RASEF: variants seen among roughly 807,000 people sequenced by gnomAD.
RASEF encodes RAS and EF-hand domain containing, also known as ras and EF-hand domain-containing protein.
RASEF carries 68 observed loss-of-function variants against 90.1 expected under a neutral mutation model. The ratio of observed to expected loss-of-function variants is 0.75; its 90% CI spans 0.62 to 0.92. The LOEUF (loss-of-function observed/expected upper bound fraction) is 0.92. Ranked by LOEUF, RASEF falls within the 40% of genes least tolerant of loss-of-function variation. The pLI is 0.00. For synonymous variants in RASEF, 331 were observed against 345.2 expected (o/e 0.96, Z 0.46); for missense variants, 949 against 937.2 (o/e 1.01, Z -0.16).
the RASEF span, among the ~76,000 whole-genome samples, chr9:83,169,350 TACACACACACACAC>T: frequency 4.2e-3 from 620 of 146,010 alleles, 5 homozygotes; most frequent in South Asian, 0.014. Flanking sequence ...CTGATTTCCA[TACACACACACACAC>T]ACACACACAC....
intron 14 of RASEF, 99 bp from the exon 15 acceptor site, chr9:82,993,124 C>T: frequency 8.0e-7 from 1 of 1,243,356 alleles, no homozygotes; most frequent in Non-Finnish European, 1.1e-6. Context: ...TTCCCTTTGC[C>T]TCCTTTGTGC....
chr9:83,161,664 A>T, the RASEF span, among the ~76,000 whole-genome samples: 2 of 124,450 alleles, frequency 1.6e-5, no homozygotes, highest in African/African-American at 6.6e-5. Flanking sequence ...ATGTGAGGAC[A>T]TGAGATTTGG....
At chr9:83,215,017 A>G in the RASEF span, among the ~76,000 whole-genome samples, 27,886 of 151,200 alleles carry the variant, frequency 0.18, 2,790 homozygotes, top group African/African-American at 0.26. Context: ...ACCAGCAGAC[A>G]AAGAGATGAG....
chr9:82,987,934 TA>T (rs1224003782), intron 16 of RASEF, among the ~76,000 whole-genome samples: 2 of 152,190 alleles, frequency 1.3e-5, no homozygotes, highest in East Asian at 3.9e-4. Context: ...GAGCAGCTAG[TA>T]ACCACATGCA....
At chr9:83,009,477 T>TA (rs879234700) in intron 6 of RASEF, among the ~76,000 whole-genome samples, 164 bp downstream of exon 6, 9 of 151,996 alleles carry the variant, frequency 5.9e-5, no homozygotes, top group South Asian at 2.1e-4. Flanking sequence ...ATTAAAAACA[T>TA]AAAAAACACT....
chr9:83,096,877 G>T, the RASEF span, among the ~76,000 whole-genome samples: 1 of 151,012 alleles, frequency 6.6e-6, no homozygotes, highest in Non-Finnish European at 1.5e-5. Context: ...GTGAGAACAT[G>T]CAGTGTTTGG....
At chr9:83,162,465 C>T in the RASEF span, among the ~76,000 whole-genome samples, 1 of 151,810 alleles carries the variant, frequency 6.6e-6, no homozygotes, top group African/African-American at 2.4e-5. Context: ...TAGTATTTAC[C>T]AAAAATCTTG....
chr9:83,068,610 C>A, the RASEF span, among the ~76,000 whole-genome samples: 33 of 152,310 alleles, frequency 2.2e-4, no homozygotes, highest in African/African-American at 7.5e-4. Context: ...GAGAACACAT[C>A]CCCAGCTTGA....
chr9:83,168,443 A>G, the RASEF span, among the ~76,000 whole-genome samples: 1 of 152,244 alleles, frequency 6.6e-6, no homozygotes, highest in African/African-American at 2.4e-5. Context: ...ATGTGTAATG[A>G]TCAAAACTGA....
chr9:83,038,268 A>C (rs566609281), intron 1 of RASEF, among the ~76,000 whole-genome samples: 3 of 152,250 alleles, frequency 2.0e-5, no homozygotes, highest in South Asian at 4.1e-4. Context: ...ACATATGTTA[A>C]CATTTACATG....
At chr9:83,100,510 T>C in the RASEF span, among the ~76,000 whole-genome samples, 1 of 152,242 alleles carries the variant, frequency 6.6e-6, no homozygotes, top group Non-Finnish European at 1.5e-5. Context: ...CAGAATATTA[T>C]GTGAATCAAT....
At chr9:83,063,840 A>G (rs1256804114), upstream of RASEF, among the ~76,000 whole-genome samples, 1 of 152,130 alleles carries the variant, frequency 6.6e-6, no homozygotes, top group Non-Finnish European at 1.5e-5. Context: ...TTTCTTTAAC[A>G]CTGCTTAATG....
At chr9:83,009,980 A>T (rs1829210661) in intron 5 of RASEF, among the ~76,000 whole-genome samples, 2 of 152,194 alleles carry the variant, frequency 1.3e-5, no homozygotes, top group Admixed American at 1.3e-4. Context: ...TCATTTTTTT[A>T]TGCTTGATAT....
At chr9:83,064,837 T>G (rs995228404), upstream of RASEF, among the ~76,000 whole-genome samples, 2 of 151,918 alleles carry the variant, frequency 1.3e-5, no homozygotes, top group African/African-American at 4.8e-5. Context: ...GAGGCTGAGG[T>G]GGGTGGATCA....
chr9:83,118,020 C>T, the RASEF span, among the ~76,000 whole-genome samples: 1 of 152,252 alleles, frequency 6.6e-6, no homozygotes, highest in African/African-American at 2.4e-5. Context: ...CTCTGGGCCT[C>T]AGTTTACTCA....
At chr9:83,000,019 ACACACACACACACACAC>A (rs1204254657) in intron 12 of RASEF, 133 bp downstream of exon 12, 1 of 650,222 alleles carries the variant, frequency 1.5e-6, no homozygotes, top group African/African-American at 1.9e-5. Flanking sequence ...ACACACACAC[ACACACACACACACACAC>A]ATTTATATAT....
the RASEF span, among the ~76,000 whole-genome samples, chr9:83,103,666 CAT>C: frequency 6.6e-6 from 1 of 152,116 alleles, no homozygotes; most frequent in African/African-American, 2.4e-5. Flanking sequence ...TATTAGCAAT[CAT>C]TGGAGAATTA....
the RASEF span, among the ~76,000 whole-genome samples, chr9:83,142,250 T>C: frequency 6.6e-6 from 1 of 152,300 alleles, no homozygotes; most frequent in Non-Finnish European, 1.5e-5. Flanking sequence ...GAAAAATAAA[T>C]GTTATGCTCA....
At chr9:83,012,658 T>A (rs1587494608) in intron 4 of RASEF, 147 bp from the exon 5 acceptor site, 1 of 441,792 alleles carries the variant, frequency 2.3e-6, no homozygotes, top group East Asian at 3.6e-5. Flanking sequence ...TTAAACTACA[T>A]AAAATCCATA....
Sources: gnomAD v4.1 joint callset for allele counts (sites outside exome capture counted in the v4.1 genomes callset) on GRCh38, gnomAD v4.1.1 for gene constraint, MANE v1.5 for transcripts, NCBI Gene and HGNC (gene_info 2026-07-23, HGNC 2026-07-21) for gene names.